The following PTPN4 variants were observed in gnomAD, a reference collection of about 807,000 sequenced individuals.
PTPN4 encodes protein tyrosine phosphatase non-receptor type 4, also known as tyrosine-protein phosphatase non-receptor type 4.
A neutral mutation model predicts 135.5 loss-of-function variants in PTPN4; 49 were observed. That is an observed-to-expected ratio of 0.36 (90% CI 0.29 to 0.46). The LOEUF is 0.46. PTPN4 is among the 20% of genes least tolerant of loss of function. PTPN4 has a pLI of 1.00. For missense variants in PTPN4, 860 were observed against 1,101.0 expected, an observed-to-expected ratio of 0.78 and a Z score of 3.10; for synonymous variants, 333 against 369.9, an observed-to-expected ratio of 0.90 and a Z score of 1.14.
intron 2 of PTPN4, among the ~76,000 whole-genome samples, chr2:119,816,274 A>T (rs1289962979): frequency 3.3e-5 from 5 of 152,196 alleles, no homozygotes; most frequent in African/African-American, 1.2e-4. Context: ...AATCTTAGTT[A>T]GGCACAGCGG....
At chr2:119,953,975 A>G (rs914332151) in intron 19 of PTPN4, among the ~76,000 whole-genome samples, 2 of 152,210 alleles carry the variant, frequency 1.3e-5, no homozygotes, top group East Asian at 3.9e-4. Context: ...ATTGTTTCAT[A>G]GTCAAAATAC....
At chr2:119,875,123 T>C (rs1191281391) in intron 3 of PTPN4, among the ~76,000 whole-genome samples, 1 of 152,212 alleles carries the variant, frequency 6.6e-6, no homozygotes, top group African/African-American at 2.4e-5. Context: ...TTTTTTCTTA[T>C]TGATGTGTAG....
chr2:119,851,612 C>G (rs151250918), intron 2 of PTPN4, among the ~76,000 whole-genome samples: 10 of 152,296 alleles, frequency 6.6e-5, no homozygotes, highest in African/African-American at 2.4e-4. Context: ...GCTTTCTTCC[C>G]TTTTCCAGTG....
chr2:119,846,053 G>T (rs931368551), intron 2 of PTPN4, among the ~76,000 whole-genome samples: 1 of 152,186 alleles, frequency 6.6e-6, no homozygotes, highest in African/African-American at 2.4e-5. Flanking sequence ...TGGAGAATAT[G>T]TTGGGTATTA....
At chr2:119,966,991 G>A (rs1393298656) in intron 25 of PTPN4, among the ~76,000 whole-genome samples, 1 of 152,214 alleles carries the variant, frequency 6.6e-6, no homozygotes, top group Non-Finnish European at 1.5e-5. Flanking sequence ...TAAGAGTAGA[G>A]TTTCAAATCT....
intron 7 of PTPN4, 50 bp downstream of exon 7, chr2:119,882,199 G>A: frequency 6.6e-7 from 1 of 1,511,780 alleles, no homozygotes; most frequent in Non-Finnish European, 9.2e-7. Context: ...TGTGGTTTGT[G>A]TTGCTAGTAC....
chr2:119,966,871 C>G (rs1234461122), intron 25 of PTPN4, among the ~76,000 whole-genome samples: 2 of 152,202 alleles, frequency 1.3e-5, no homozygotes, highest in African/African-American at 2.4e-5. Context: ...TGCTACTGAT[C>G]CAGAGATTAG....
chr2:119,882,284 A>G, intron 7 of PTPN4, 135 bp downstream of exon 7: 2 of 1,067,396 alleles, frequency 1.9e-6, no homozygotes, highest in South Asian at 1.5e-5. Flanking sequence ...ATGTAATGAA[A>G]TCTCCAGTTA....
At chr2:119,916,012 G>A (rs1314867656) in intron 11 of PTPN4, 2 of 150,936 alleles carry the variant, frequency 1.3e-5, no homozygotes, top group African/African-American at 4.9e-5. Flanking sequence ...GCCACATAGT[G>A]AGACACTGTC....
chr2:119,974,975 T>G (rs1236399437), intron 26 of PTPN4, among the ~76,000 whole-genome samples: 1 of 152,176 alleles, frequency 6.6e-6, no homozygotes, highest in African/African-American at 2.4e-5. Flanking sequence ...CACAACTGTT[T>G]CAGAATAACA....
In PTPN4 at chr2:119,934,967, T is replaced by G. The variant is rs369973498; in HGVS notation, c.1355+9T>G. On this transcript the variant is annotated intron_variant, in intron 15 of 26. Transcript: ENST00000263708. ...GTTCTGGAATCATCACCGTAAGAGC[T>G]TTTTTATTTTGCTTCCTCTGTATTT... is the stretch of plus-strand genomic sequence containing the variant. 29 of 1,595,932 alleles carry G rather than the reference T, an allele frequency of 1.8e-5. No individual in the cohort carries two copies. The African/African-American group carries it at 3.8e-4, about 21-fold the overall frequency.
chr2:119,935,057 T>A, intron 15 of PTPN4, 99 bp downstream of exon 15: 2 of 1,339,942 alleles, frequency 1.5e-6, no homozygotes, highest in Non-Finnish European at 2.0e-6. Context: ...TACAAGATTT[T>A]AATTATGCAA....
intron 2 of PTPN4, among the ~76,000 whole-genome samples, chr2:119,845,101 G>A (rs1199023624): frequency 2.7e-5 from 4 of 149,782 alleles, no homozygotes; most frequent in African/African-American, 9.9e-5. Context: ...AACCAGTCAG[G>A]CGTGGCGGCG....
intron 1 of PTPN4, among the ~76,000 whole-genome samples, chr2:119,783,819 C>A (rs1178914565): frequency 2.0e-5 from 3 of 152,170 alleles, no homozygotes; most frequent in Non-Finnish European, 4.4e-5. Flanking sequence ...AAGTTAATCA[C>A]CATTTTATTA....
intron 1 of PTPN4, among the ~76,000 whole-genome samples, chr2:119,805,137 G>GT (rs1691444882): frequency 1.3e-5 from 2 of 152,000 alleles, no homozygotes; most frequent in East Asian, 3.9e-4. Context: ...GGGGTTGTTT[G>GT]TTTTTTTCTT....
At chr2:119,872,369 C>G (rs1010827427) in intron 3 of PTPN4, among the ~76,000 whole-genome samples, 1 of 151,986 alleles carries the variant, frequency 6.6e-6, no homozygotes, top group African/African-American at 2.4e-5. Context: ...TATACAGCTA[C>G]CATTAAGATG....
intron 1 of PTPN4, among the ~76,000 whole-genome samples, chr2:119,763,060 G>A (rs528628218): frequency 3.9e-5 from 6 of 152,186 alleles, no homozygotes; most frequent in African/African-American, 9.6e-5. Flanking sequence ...TAGAAATACC[G>A]TAGAATCTTC....
chr2:119,950,781 A>G (rs1284097830), intron 18 of PTPN4, among the ~76,000 whole-genome samples: 1 of 152,048 alleles, frequency 6.6e-6, no homozygotes, highest in Non-Finnish European at 1.5e-5. Flanking sequence ...TGTCTCTTTT[A>G]CCTTAATCGC....
chr2:119,899,590 A>G (rs1476576571), intron 9 of PTPN4, among the ~76,000 whole-genome samples: 3 of 152,092 alleles, frequency 2.0e-5, no homozygotes, highest in Non-Finnish European at 4.4e-5. Flanking sequence ...TATCTTCCCT[A>G]ATGTATATCT....
Sources: allele counts gnomAD v4.1 joint callset (sites outside exome capture counted in the v4.1 genomes callset), GRCh38; gene constraint gnomAD v4.1.1; transcripts MANE v1.5; gene names NCBI Gene and HGNC (gene_info 2026-07-23, HGNC 2026-07-21).